The following NBPF9 variants were observed in gnomAD, a reference collection of about 807,000 sequenced individuals.
The protein encoded by NBPF9 is NBPF member 9.
In NBPF9, 91 loss-of-function variants were observed where a neutral mutation model predicts 97.8. The observed-to-expected ratio is 0.93, with a 90% CI of 0.79 to 1.11. NBPF9 has a LOEUF of 1.11. Ranked by LOEUF, NBPF9 falls within the 50% of genes least tolerant of loss-of-function variation. NBPF9 has a pLI of 0.00. For synonymous variants in NBPF9, 334 were observed against 359.5 expected, an observed-to-expected ratio of 0.93 and a Z score of 0.80; for missense variants, 992 against 939.5, an observed-to-expected ratio of 1.06 and a Z score of -0.73.
At chr1:149,087,278 A>G (rs1230451690) in intron 5 of NBPF9, among the ~76,000 whole-genome samples, 1 of 151,352 alleles carries the variant, frequency 6.6e-6, no homozygotes, top group African/African-American at 2.4e-5. Flanking sequence ...GTATATATAT[A>G]TATATTCCCT....
intron 4 of NBPF9, among the ~76,000 whole-genome samples, chr1:149,097,548 T>A (rs1425747331): frequency 6.6e-6 from 1 of 152,054 alleles, no homozygotes; most frequent in Non-Finnish European, 1.5e-5. Flanking sequence ...AGCCCCTGGG[T>A]CTGACATCGT....
At chr1:149,078,534 G>T (rs78313760) in intron 9 of NBPF9, among the ~76,000 whole-genome samples, 1 of 124,258 alleles carries the variant, frequency 8.0e-6, no homozygotes, top group Admixed American at 8.5e-5. Context: ...AAAAGCATTC[G>T]TAAGTGTTCC....
In NBPF9 at chr1:149,059,431, A is replaced by C; in HGVS notation, c.2585+269T>G. 2.2e-5 allele frequency: 9 copies of C among 403,270 alleles called. 2 individuals carry two copies. Among genetic ancestry groups the C allele is most frequent in the Non-Finnish European group, 4.1e-5 (9 of 220,802 alleles). 25.0% of individuals were successfully genotyped at this position (403,270 alleles called of 1,614,324 possible). On this transcript the variant is annotated intron_variant, in intron 25 of 29. Transcript: ENST00000584027. ...TGATCATGAAAAGAGTGAGCTCAAT[A>C]GTTTTCCATAAAATATGCTCAAAAT... is the stretch of plus-strand genomic sequence containing the variant.
Position 149,073,879 on chromosome 1 carries a change from A to T in NBPF9, c.989-9T>A, listed in dbSNP as rs1369959639. 4 of 1,443,070 alleles carry T rather than the reference A, an allele frequency of 2.8e-6. No individual in the cohort carries two copies. The highest frequency in any genetic ancestry group is 3.9e-6 in the Non-Finnish European group (4 of 1,036,712). 89.4% of individuals were successfully genotyped at this position (1,443,070 alleles called of 1,614,324 possible). A position where few individuals can be genotyped will look rare whatever the true frequency, so the allele number is the denominator to read the frequency against. Reference sequence around the variant, plus strand: ...TTTACACTCTTCATACTCTGAGAAAAGACAGACACGCCTGCCTCAGTGGAA... The same window carrying T: ...TTTACACTCTTCATACTCTGAGAAATGACAGACACGCCTGCCTCAGTGGAA... On this transcript the variant is annotated splice_polypyrimidine_tract_variant and intron_variant, in intron 12 of 29. Coordinates refer to ENST00000584027, the Ensembl canonical transcript of NBPF9.
At chr1:149,076,001 T>A (rs1302233507) in intron 11 of NBPF9, 137 bp from the exon 12 acceptor site, 8 of 793,260 alleles carry the variant, frequency 1.0e-5, no homozygotes, top group Non-Finnish European at 1.5e-5. Context: ...ACTCTTGTCA[T>A]CTCCAGTCTT....
intron 18 of NBPF9, chr1:149,064,858 T>C (rs1313629997): frequency 4.3e-5 from 23 of 534,728 alleles, no homozygotes; most frequent in South Asian, 3.0e-4. Flanking sequence ...GTTTATGAGA[T>C]TGTGGACACA....
intron 12 of NBPF9, among the ~76,000 whole-genome samples, chr1:149,074,253 C>T (rs2079659668): frequency 6.6e-6 from 1 of 151,208 alleles, no homozygotes; most frequent in Non-Finnish European, 1.5e-5. Flanking sequence ...GTCGGGAAGG[C>T]CCCTAGGACT....
Position 149,065,702 on chromosome 1 carries a change from G to A in NBPF9, c.1638-13C>T. 1.3e-6 allele frequency: 2 copies of A among 1,559,832 alleles called. No homozygotes were observed. The highest frequency in any genetic ancestry group is 1.8e-6 in the Non-Finnish European group (2 of 1,140,930). ...CTCCTGCAGATTCCTGATGAGCCAG[G>A]CAGGACAGGGATGATAGAAGATTTA... is the stretch of plus-strand genomic sequence containing the variant. On this transcript the variant is annotated splice_polypyrimidine_tract_variant and intron_variant, in intron 17 of 29. Coordinates refer to ENST00000584027, the Ensembl canonical transcript of NBPF9.
chr1:149,063,031 G>A (rs1365800928), intron 20 of NBPF9, 118 bp from the exon 21 acceptor site: 4 of 565,232 alleles, frequency 7.1e-6, no homozygotes, highest in Non-Finnish European at 1.3e-5. Context: ...ATAGGACACT[G>A]TGAGAGATAT....
At chr1:149,068,995 A>C (rs1288945581) in intron 17 of NBPF9, among the ~76,000 whole-genome samples, 2 of 152,206 alleles carry the variant, frequency 1.3e-5, no homozygotes, top group East Asian at 3.9e-4. Context: ...ACTACATGGA[A>C]ACTGAACAAC....
intron 5 of NBPF9, among the ~76,000 whole-genome samples, chr1:149,084,991 C>CTCCCACCTTCAGCGT (rs1553658025): frequency 2.6e-5 from 4 of 151,944 alleles, no homozygotes; most frequent in African/African-American, 9.7e-5. Flanking sequence ...ATGAAATGGC[C>CTCCCACCTTCAGCGT]TCCCACCTTC....
At chr1:149,097,248 C>T (rs1366158491) in intron 4 of NBPF9, among the ~76,000 whole-genome samples, 3 of 152,152 alleles carry the variant, frequency 2.0e-5, no homozygotes, top group African/African-American at 7.2e-5. Flanking sequence ...TCCAGGGGAA[C>T]TTACACCACC....
exon 14 of NBPF9, chr1:149,072,775 C>G: frequency 6.3e-7 from 1 of 1,585,156 alleles, no homozygotes; most frequent in South Asian, 1.1e-5. Context: ...GCCAGCTGTT[C>G]TTGGAGGTCC....
At chr1:149,080,012 A>G (rs782040569) in intron 8 of NBPF9, 41 bp downstream of exon 8, 1 of 1,518,790 alleles carries the variant, frequency 6.6e-7, no homozygotes, top group Non-Finnish European at 9.1e-7. Context: ...TCAGAGATCT[A>G]CACACCTACC....
downstream of NBPF9, among the ~76,000 whole-genome samples, chr1:149,053,832 T>C (rs56063471): frequency 2.0e-5 from 3 of 147,698 alleles, no homozygotes; most frequent in Non-Finnish European, 3.0e-5. Context: ...AAAACATTTT[T>C]AGTGCAATAT....
intron 4 of NBPF9, among the ~76,000 whole-genome samples, chr1:149,091,522 A>T (rs2081404057): frequency 6.6e-6 from 1 of 151,938 alleles, no homozygotes; most frequent in African/African-American, 2.4e-5. Context: ...GATGAATCTC[A>T]AAAACATTTT....
At chr1:149,063,663 G>C (rs1365352864) in exon 20 of NBPF9, 1 of 622,700 alleles carries the variant, frequency 1.6e-6, no homozygotes, top group Non-Finnish European at 2.8e-6. Flanking sequence ...CCAACACGCT[G>C]TTGCTCCAAT....
At chr1:149,067,658 G>A (rs1553652084) in intron 17 of NBPF9, among the ~76,000 whole-genome samples, 2 of 150,644 alleles carry the variant, frequency 1.3e-5, no homozygotes. Flanking sequence ...TTTTATAGCT[G>A]CATAGTATTC....
chr1:149,061,962 C>A, intron 22 of NBPF9, 131 bp downstream of exon 22: 5 of 565,940 alleles, frequency 8.8e-6, no homozygotes, highest in South Asian at 1.6e-5. Flanking sequence ...TCATTACAAC[C>A]TATATGCGCC....
Sources: allele counts gnomAD v4.1 joint callset (sites outside exome capture counted in the v4.1 genomes callset), GRCh38; gene constraint gnomAD v4.1.1; transcripts MANE v1.5; gene names NCBI Gene and HGNC (gene_info 2026-07-23, HGNC 2026-07-21).